The following CLDN16 variants were observed in gnomAD, a reference collection of about 807,000 sequenced individuals.
CLDN16 encodes claudin 16, also known as claudin-16.
In CLDN16, 13 loss-of-function variants were observed where a neutral mutation model predicts 24.6. The ratio of observed to expected loss-of-function variants is 0.53; its 90% CI spans 0.34 to 0.84. The LOEUF (loss-of-function observed/expected upper bound fraction) is 0.84, where lower values mean the gene tolerates loss of function less well. Among genes scored for constraint, CLDN16 ranks in the 40% least tolerant of loss-of-function variants. The pLI is 0.01. For synonymous variants in CLDN16, 116 were observed against 106.7 expected, an observed-to-expected ratio of 1.09 and a Z score of -0.54; for missense variants, 298 against 292.7, an observed-to-expected ratio of 1.02 and a Z score of -0.13.
Position 190,402,151 on chromosome 3 carries a change from G to A in CLDN16, c.115-186G>A. Reference sequence around the variant, plus strand: ...TGGATTCATTTCCTGGCCCAGAAAGGCTTCAATTGTCAGTGCTTAAGGGAA... The same window carrying A: ...TGGATTCATTTCCTGGCCCAGAAAGACTTCAATTGTCAGTGCTTAAGGGAA... On this transcript the variant is annotated intron_variant, in intron 1 of 4. Coordinates refer to ENST00000264734, the MANE Select transcript of CLDN16 (RefSeq NM_006580.4). Among the ~76,000 whole-genome samples the A allele has an allele frequency of 2.0e-5, 3 of 152,272 alleles. 1 individual carries two copies. Among genetic ancestry groups the A allele is most frequent in the Middle Eastern group, 6.8e-3 (2 of 294 alleles).
Position 190,411,962 on chromosome 3 carries a change from T to C in CLDN16, c.*1926T>C, listed in dbSNP as rs1719296627. 1 of 152,164 alleles carries C rather than the reference T, an allele frequency of 6.6e-6. No individual in the cohort carries two copies. The highest frequency in any genetic ancestry group is 6.5e-5 in the Admixed American group (1 of 15,284). The allele number at this position is 152,164 out of a possible 1,614,324, so 9.4% of individuals were successfully genotyped here. On this transcript the variant is annotated 3_prime_UTR_variant, in exon 5 of 5. Transcript: ENST00000264734. ...GCTTTATGTATTCCAATAAGTGTCTTGAAATCCTTGTGGGGAAAGGCAGGA... is the reference window on the plus strand; with the variant it reads ...GCTTTATGTATTCCAATAAGTGTCTCGAAATCCTTGTGGGGAAAGGCAGGA...
At chr3:190,352,048 G>T (rs1474399397) in intron 1 of CLDN16, among the ~76,000 whole-genome samples, 2 of 151,514 alleles carry the variant, frequency 1.3e-5, no homozygotes, top group Admixed American at 1.3e-4. Flanking sequence ...AGAACACACA[G>T]GTAATTAATG....
Position 190,328,118 on chromosome 3 carries a change from C to CAA in CLDN16, n.121+5469_121+5470dup, listed in dbSNP as rs60601809. On this transcript the variant is annotated intron_variant and non_coding_transcript_variant, in intron 1 of 4. Coordinates refer to the CLDN16 transcript ENST00000468220. ...ACAAAATAGTAAGATTCCATCTCTA[C>CAA]AAAAAAAAAAAAATAGCTAGACATG... Among the ~76,000 whole-genome samples the CAA allele has an allele frequency of 5.0e-3, 715 of 143,056 alleles. 9 individuals are homozygous for CAA. Among genetic ancestry groups the CAA allele is most frequent in the African/African-American group, 0.017 (679 of 39,382 alleles). The allele number at this position is 143,056 out of a possible 152,430, so 93.9% of individuals were successfully genotyped here. A position where few individuals can be genotyped will look rare whatever the true frequency, so the allele number is the denominator to read the frequency against.
chr3:190,338,645 TA>T (rs1342696688), intron 1 of CLDN16, among the ~76,000 whole-genome samples: 1 of 152,208 alleles, frequency 6.6e-6, no homozygotes, highest in African/African-American at 2.4e-5. Flanking sequence ...TCTATAATTG[TA>T]GCTGACAGGG....
At chr3:190,313,014 G>C in the CLDN16 span, 4 of 1,613,986 alleles carry the variant, frequency 2.5e-6, no homozygotes, top group African/African-American at 5.3e-5. Context: ...CCACCATCAA[G>C]GCACGGGTTG....
chr3:190,401,880 C>G (rs1469162915), intron 1 of CLDN16, among the ~76,000 whole-genome samples: 1 of 151,688 alleles, frequency 6.6e-6, no homozygotes, highest in Non-Finnish European at 1.5e-5. Flanking sequence ...CTTCATGGAA[C>G]TCAGTATTCG....
At chr3:190,328,270 G>C (rs989354674) in intron 1 of CLDN16, among the ~76,000 whole-genome samples, 3 of 152,074 alleles carry the variant, frequency 2.0e-5, no homozygotes, top group African/African-American at 7.2e-5. Context: ...GACAGAGTGA[G>C]ACCTGTCACA....
At chr3:190,392,920 T>A (rs1718717540) in intron 1 of CLDN16, among the ~76,000 whole-genome samples, 1 of 152,152 alleles carries the variant, frequency 6.6e-6, no homozygotes, top group Admixed American at 6.5e-5. Context: ...TTAGAAAGAT[T>A]AATCATTCTG....
rs1286425165 is a variant in CLDN16 at position 190,375,375 on chromosome 3, C to T, written n.306+772C>T. Among the ~76,000 whole-genome samples, 4 of 151,858 alleles carry T rather than the reference C, an allele frequency of 2.6e-5. No individual in the cohort carries two copies. The East Asian group carries it at 7.8e-4, about 30-fold the overall frequency. On this transcript the variant is annotated intron_variant and non_coding_transcript_variant, in intron 3 of 4. Coordinates refer to the CLDN16 transcript ENST00000468220. ...TGCCAAGGCTGCAAGTGTAGAATGG[C>T]TACAGATCTAGAGAAAGCTATTGGC...
upstream of CLDN16, chr3:190,322,050 A>G (rs1349625227): frequency 1.9e-6 from 3 of 1,614,084 alleles, no homozygotes; most frequent in Non-Finnish European, 2.5e-6. Flanking sequence ...GACACGCAGG[A>G]CATCCACAGC....
chr3:190,393,354 T>G (rs765094902), intron 1 of CLDN16, among the ~76,000 whole-genome samples: 2 of 152,218 alleles, frequency 1.3e-5, no homozygotes, highest in Non-Finnish European at 2.9e-5. Context: ...TTTATAGATT[T>G]AACTTTATAT....
intron 1 of CLDN16, among the ~76,000 whole-genome samples, chr3:190,336,218 G>C (rs567114340): frequency 9.2e-5 from 14 of 152,304 alleles, no homozygotes; most frequent in Admixed American, 4.6e-4. Flanking sequence ...AGCATGTTGA[G>C]CCGGTGAACC....
chr3:190,402,046 A>G (rs1312315976), intron 1 of CLDN16, among the ~76,000 whole-genome samples: 3 of 152,202 alleles, frequency 2.0e-5, no homozygotes, highest in Non-Finnish European at 4.4e-5. Flanking sequence ...AAGCAGCCAC[A>G]GATATTTAAA....
chr3:190,311,095 G>A, the CLDN16 span, among the ~76,000 whole-genome samples: 1 of 152,172 alleles, frequency 6.6e-6, no homozygotes, highest in Admixed American at 6.5e-5. Context: ...CTCTAGACAT[G>A]ACAGAAAACA....
intron 1 of CLDN16, among the ~76,000 whole-genome samples, chr3:190,336,024 G>A (rs1717297463): frequency 6.6e-6 from 1 of 152,086 alleles, no homozygotes; most frequent in South Asian, 2.1e-4. Context: ...CAGTGTCTTT[G>A]GCATTTGAGA....
At chr3:190,372,483 A>G (rs1032340994) in intron 2 of CLDN16, among the ~76,000 whole-genome samples, 8 of 151,776 alleles carry the variant, frequency 5.3e-5, no homozygotes, top group African/African-American at 9.7e-5. Context: ...TTCCCCCCCA[A>G]AATAAAAATA....
rs10563626 is a variant in CLDN16 at position 190,350,344 on chromosome 3, T to TTATATATATATATATATATA, written n.122-20546_122-20527dup. Among the ~76,000 whole-genome samples the TTATATATATATATATATATA allele has an allele frequency of 4.9e-3, 695 of 141,916 alleles. 3 individuals are homozygous for TTATATATATATATATATATA. The highest frequency in any genetic ancestry group is 7.6e-3 in the Middle Eastern group (2 of 262). 93.1% of individuals were successfully genotyped at this position (141,916 alleles called of 152,430 possible). A position where few individuals can be genotyped will look rare whatever the true frequency, so the allele number is the denominator to read the frequency against. On this transcript the variant is annotated intron_variant and non_coding_transcript_variant, in intron 1 of 4. Transcript: ENST00000468220. ...AGTTTAAGAATCATAGTTCATAATGTTATATATATATATATATATATACTT... is the reference window on the plus strand; with the variant it reads ...AGTTTAAGAATCATAGTTCATAATGTTATATATATATATATATATATATATATATATATATATATATACTT...
chr3:190,336,221 G>A (rs1003043201), intron 1 of CLDN16, among the ~76,000 whole-genome samples: 2 of 152,114 alleles, frequency 1.3e-5, no homozygotes, highest in Admixed American at 6.6e-5. Context: ...ATGTTGAGCC[G>A]GTGAACCATA....
At chr3:190,310,088 G>T in the CLDN16 span, 1 of 1,117,416 alleles carries the variant, frequency 8.9e-7, no homozygotes, top group Non-Finnish European at 1.4e-6. Context: ...TCTGGGAAAT[G>T]ATGGCACTAG....
Sources: gnomAD v4.1 joint callset for allele counts (sites outside exome capture counted in the v4.1 genomes callset) on GRCh38, gnomAD v4.1.1 for gene constraint, MANE v1.5 for transcripts, NCBI Gene and HGNC (gene_info 2026-07-23, HGNC 2026-07-21) for gene names.